Variants in NBPF3 observed in about 807,000 individuals in gnomAD.
NBPF3 encodes the protein NBPF family member NBPF3.
NBPF3 carries 57 observed loss-of-function variants against 78.1 expected under a neutral mutation model. That is an observed-to-expected ratio of 0.73 (90% CI 0.59 to 0.91). The LOEUF (loss-of-function observed/expected upper bound fraction) is 0.91, where lower values mean the gene tolerates loss of function less well. NBPF3 is among the 40% of genes least tolerant of loss of function. The pLI is 0.00. For missense variants in NBPF3, 510 were observed against 715.3 expected (o/e 0.71, Z 3.27); for synonymous variants, 182 against 271.7 (o/e 0.67, Z 3.25).
intron 2 of NBPF3, among the ~76,000 whole-genome samples, chr1:21,458,256 T>G (rs1423548958): frequency 3.3e-5 from 5 of 152,120 alleles, no homozygotes; most frequent in Non-Finnish European, 7.4e-5. Context: ...AAATGACTCC[T>G]GTTAAGAATG....
At chr1:21,441,908 C>A (rs1640675901) in intron 1 of NBPF3, among the ~76,000 whole-genome samples, 1 of 151,992 alleles carries the variant, frequency 6.6e-6, no homozygotes, top group South Asian at 2.1e-4. Flanking sequence ...TTCTGGTTAC[C>A]CCACATCCTC....
chr1:21,439,143 G>A (rs576374914), upstream of NBPF3, among the ~76,000 whole-genome samples: 1 of 152,296 alleles, frequency 6.6e-6, no homozygotes, highest in East Asian at 1.9e-4. Context: ...GCTGGGTGTG[G>A]TGGCACACGC....
intron 6 of NBPF3, 144 bp from the exon 7 acceptor site, chr1:21,473,236 G>T (rs1355643417): frequency 1.9e-6 from 2 of 1,026,782 alleles, no homozygotes; most frequent in African/African-American, 1.6e-5. Flanking sequence ...GAAGAGGATT[G>T]CCTGTTCCCT....
intron 2 of NBPF3, among the ~76,000 whole-genome samples, chr1:21,455,022 ATCTCT>A (rs1641518411): frequency 6.6e-6 from 1 of 151,986 alleles, no homozygotes; most frequent in Non-Finnish European, 1.5e-5. Flanking sequence ...TAGGACTGAG[ATCTCT>A]GTTTTCTTGC....
chr1:21,465,004 CAAAAAAA>C (rs10531760), intron 2 of NBPF3, among the ~76,000 whole-genome samples: 81 of 99,230 alleles, frequency 8.2e-4, no homozygotes, highest in South Asian at 1.7e-3. Flanking sequence ...GACCCTGTCT[CAAAAAAA>C]AAAAAAAAAA....
At position 21,476,397 on chromosome 1, in the gene NBPF3, G is replaced by A. The variant is rs190569007; in HGVS notation, c.992+1446G>A. 1.7e-3 allele frequency among the ~76,000 whole-genome samples: 266 copies of A among 152,278 alleles called. No homozygotes were observed. Among genetic ancestry groups the A allele is most frequent in the Middle Eastern group, 6.8e-3 (2 of 294 alleles). On this transcript the variant is annotated intron_variant, in intron 8 of 14. Coordinates refer to ENST00000318249, the MANE Select transcript of NBPF3 (RefSeq NM_032264.6). This position sits in a 1 kb window ranked among gnomAD's most constrained non-coding sequence, Gnocchi z 4.1. Reference sequence around the variant, plus strand: ...GGTCTTTACAATTTGGCACGTTTTTGCAGTGGCTGGCTGGTACTGGTTGTT... The same window carrying A: ...GGTCTTTACAATTTGGCACGTTTTTACAGTGGCTGGCTGGTACTGGTTGTT...
chr1:21,436,857 A>G, upstream of NBPF3: 9 of 481,384 alleles, frequency 1.9e-5, no homozygotes, highest in Non-Finnish European at 1.9e-5. The surrounding 1 kb of genome is among the most constrained non-coding windows in gnomAD (Gnocchi z 4.3). Flanking sequence ...GCCCGGGGGG[A>G]GGGGCTCGCG....
At chr1:21,443,299 G>A (rs1395226681) in intron 1 of NBPF3, among the ~76,000 whole-genome samples, 3 of 152,304 alleles carry the variant, frequency 2.0e-5, no homozygotes, top group East Asian at 1.9e-4. Flanking sequence ...TGTGTTGGGC[G>A]TTCAGGCAAA....
At chr1:21,439,915 G>A (rs554226120), upstream of NBPF3, among the ~76,000 whole-genome samples, 5 of 152,314 alleles carry the variant, frequency 3.3e-5, no homozygotes, top group African/African-American at 9.6e-5. Flanking sequence ...AGAGAGACGC[G>A]GAGGGCAGAG....
chr1:21,451,894 G>C (rs1275221238), intron 2 of NBPF3: 1 of 967,410 alleles, frequency 1.0e-6, no homozygotes, highest in African/African-American at 1.8e-5. Flanking sequence ...GATCAAATGT[G>C]AGCCTATGGA....
At chr1:21,438,722 C>T (rs1187013776), upstream of NBPF3, among the ~76,000 whole-genome samples, 2 of 151,248 alleles carry the variant, frequency 1.3e-5, no homozygotes, top group East Asian at 4.0e-4. Context: ...AGAATGAAAA[C>T]TTAAATGACC....
chr1:21,443,692 C>A (rs1482318227), intron 1 of NBPF3, among the ~76,000 whole-genome samples: 1 of 151,900 alleles, frequency 6.6e-6, no homozygotes, highest in African/African-American at 2.4e-5. Context: ...TGGCTCTCTG[C>A]AGCCTTGATC....
chr1:21,483,391 C>T lies in NBPF3; in HGVS notation c.*5C>T. ...GGAGTCATATTCCCACACTAAGCAG[C>T]CCTTACTAAGCTGAGAGATGTCATT... On this transcript the variant is annotated 3_prime_UTR_variant, in exon 15 of 15. Coordinates refer to ENST00000318249, the MANE Select transcript of NBPF3 (RefSeq NM_032264.6). 2.4e-6 allele frequency: 2 copies of T among 817,126 alleles called. No homozygotes were observed. The highest frequency in any genetic ancestry group is 1.8e-6 in the Non-Finnish European group (1 of 548,806). The allele number at this position is 817,126 out of a possible 1,614,324, so 50.6% of individuals were successfully genotyped here.
chr1:21,449,498 A>AT (rs924495290), intron 2 of NBPF3, among the ~76,000 whole-genome samples: 2 of 148,722 alleles, frequency 1.3e-5, no homozygotes, highest in African/African-American at 5.0e-5. Flanking sequence ...TGAGATGGAG[A>AT]TTTTGCTCTG....
intron 2 of NBPF3, among the ~76,000 whole-genome samples, chr1:21,461,424 A>G (rs983660145): frequency 6.6e-6 from 1 of 152,242 alleles, no homozygotes; most frequent in Non-Finnish European, 1.5e-5. Flanking sequence ...TGGCATATAT[A>G]AGCACCTGAG....
chr1:21,459,015 C>T (rs867363905), intron 2 of NBPF3, among the ~76,000 whole-genome samples: 3 of 152,130 alleles, frequency 2.0e-5, no homozygotes, highest in Non-Finnish European at 2.9e-5. Flanking sequence ...TAGTCAGAAT[C>T]ATTACATGCT....
chr1:21,449,036 T>C (rs2147912350), intron 2 of NBPF3, among the ~76,000 whole-genome samples: 1 of 152,348 alleles, frequency 6.6e-6, no homozygotes, highest in East Asian at 1.9e-4. Context: ...TATATAGAAT[T>C]GTGCAGCCAT....
intron 2 of NBPF3, among the ~76,000 whole-genome samples, chr1:21,464,440 CAG>C (rs1300934903): frequency 3.3e-5 from 5 of 151,708 alleles, no homozygotes; most frequent in Non-Finnish European, 7.4e-5. Context: ...TAGTGGTTGT[CAG>C]AGAGCACAAG....
At chr1:21,461,355 T>C (rs1641939774) in intron 2 of NBPF3, among the ~76,000 whole-genome samples, 1 of 151,978 alleles carries the variant, frequency 6.6e-6, no homozygotes, top group Non-Finnish European at 1.5e-5. Context: ...ATACAAACAA[T>C]AGGATATTAC....
Sources: allele counts gnomAD v4.1 joint callset (sites outside exome capture counted in the v4.1 genomes callset), GRCh38; gene constraint gnomAD v4.1.1; non-coding constraint Gnocchi (gnomAD v3.1); transcripts MANE v1.5; gene names NCBI Gene and HGNC (gene_info 2026-07-23, HGNC 2026-07-21).